Variants in WWTR1 observed in about 807,000 individuals in gnomAD.
WWTR1 encodes the protein WW domain-containing transcription regulator protein 1.
Under a neutral mutation model 40.1 loss-of-function variants are expected in WWTR1, and 13 were observed. That is an observed-to-expected ratio of 0.32 (90% CI 0.21 to 0.52). The LOEUF (loss-of-function observed/expected upper bound fraction) is 0.52. Among genes scored for constraint, WWTR1 ranks in the 20% least tolerant of loss-of-function variants. The pLI is 0.97. For missense variants in WWTR1, 436 were observed against 523.1 expected (o/e 0.83, Z 1.63); for synonymous variants, 230 against 210.1 (o/e 1.09, Z -0.82).
rs16862060 is a variant in WWTR1 at position 149,624,598 on chromosome 3, G to A, written c.431+32278C>T. Among the ~76,000 whole-genome samples, 1,148 of 152,334 alleles carry A rather than the reference G, an allele frequency of 7.5e-3. 13 individuals are homozygous for A. Among genetic ancestry groups the A allele is most frequent in the African/African-American group, 0.026 (1,098 of 41,566 alleles). On this transcript the variant is annotated intron_variant, in intron 2 of 6. Transcript: ENST00000360632. ...GGGAGCCACACTTGGGACTATATAAGATCAAGTTTGCTGCATCCTTCTAAA... is the reference window on the plus strand; with the variant it reads ...GGGAGCCACACTTGGGACTATATAAAATCAAGTTTGCTGCATCCTTCTAAA...
At chr3:149,722,272 T>C (rs1335098091) in intron 4 of WWTR1, among the ~76,000 whole-genome samples, 1 of 152,110 alleles carries the variant, frequency 6.6e-6, no homozygotes, top group African/African-American at 2.4e-5. Flanking sequence ...ATTATTTTAT[T>C]CCTCCTACTA....
intron 4 of WWTR1, among the ~76,000 whole-genome samples, chr3:149,529,023 GGA>G (rs909999425): frequency 6.6e-6 from 1 of 152,192 alleles, no homozygotes; most frequent in Admixed American, 6.5e-5. Context: ...ATAATCTCCA[GGA>G]GTCTCTCCAT....
At position 149,668,717 on chromosome 3, in the gene WWTR1, G is replaced by A. The variant is rs1050123698; in HGVS notation, c.-4+1071C>T. The stretch of plus-strand genomic sequence containing the variant: ...GAAAAAAATAAGTAGTTACCAATGG[G>A]GAACGGGGGATCCCTTTTAATAAAT... On this transcript the variant is annotated intron_variant, in intron 2 of 7. Transcript: ENST00000465804. 2.0e-5 allele frequency among the ~76,000 whole-genome samples: 3 copies of A among 152,116 alleles called. No homozygotes were observed. The South Asian group carries it at 6.2e-4, about 32-fold the overall frequency.
At chr3:149,542,561 A>G in intron 3 of WWTR1, 24 bp from the exon 4 acceptor site, 1 of 1,588,736 alleles carries the variant, frequency 6.3e-7, no homozygotes, top group Non-Finnish European at 8.6e-7. Context: ...GAACATACAG[A>G]TTAATGACCA....
At position 149,636,966 on chromosome 3, in the gene WWTR1, G is replaced by GAAAA. The variant is rs397950107; in HGVS notation, c.431+19906_431+19909dup. Among the ~76,000 whole-genome samples the GAAAA allele has an allele frequency of 2.3e-3, 99 of 43,270 alleles. 1 individual carries two copies. The highest frequency in any genetic ancestry group is 2.7e-3 in the Non-Finnish European group (70 of 25,480). The allele number at this position is 43,270 out of a possible 152,430, so 28.4% of individuals were successfully genotyped here. A position where few individuals can be genotyped will look rare whatever the true frequency, so the allele number is the denominator to read the frequency against. ...GCGACAGAGCAAGACTGTCTCAAGT[G>GAAAA]AAAAAAAAAAAAAAAAAAAAAAAAG... On this transcript the variant is annotated intron_variant, in intron 2 of 6. Transcript: ENST00000360632.
At chr3:149,709,906 AAAAAG>A (rs888122394) in intron 5 of WWTR1, among the ~76,000 whole-genome samples, 15 of 152,158 alleles carry the variant, frequency 9.9e-5, no homozygotes, top group Non-Finnish European at 2.1e-4. Flanking sequence ...CTCTATCTCA[AAAAAG>A]AAAAGAAAAG....
At chr3:149,571,644 A>C (rs1737636891) in intron 3 of WWTR1, among the ~76,000 whole-genome samples, 1 of 152,218 alleles carries the variant, frequency 6.6e-6, no homozygotes, top group Non-Finnish European at 1.5e-5. Flanking sequence ...GGTCTACTTG[A>C]GTTCATACTC....
chr3:149,645,372 C>A (rs1391167911), intron 2 of WWTR1, among the ~76,000 whole-genome samples: 3 of 152,120 alleles, frequency 2.0e-5, no homozygotes, highest in Non-Finnish European at 2.9e-5. Context: ...AGCCACCACG[C>A]CTGGCCCCAG....
chr3:149,590,495 C>G (rs560849208), intron 2 of WWTR1, among the ~76,000 whole-genome samples: 1 of 152,176 alleles, frequency 6.6e-6, no homozygotes, highest in South Asian at 2.1e-4. Context: ...ACTAAAAATA[C>G]AAAAATTCAC....
chr3:149,607,166 A>G (rs1270569348), intron 2 of WWTR1, among the ~76,000 whole-genome samples: 1 of 152,216 alleles, frequency 6.6e-6, no homozygotes, highest in Non-Finnish European at 1.5e-5. Flanking sequence ...TTACTTTTTG[A>G]AATATTCATC....
At chr3:149,533,490 G>T (rs1576541802) in intron 4 of WWTR1, among the ~76,000 whole-genome samples, 2 of 152,220 alleles carry the variant, frequency 1.3e-5, no homozygotes, top group African/African-American at 4.8e-5. Context: ...TAGATTTGAG[G>T]CAGATACGAT....
intron 5 of WWTR1, among the ~76,000 whole-genome samples, chr3:149,709,067 C>G (rs1442307954): frequency 1.3e-5 from 2 of 152,080 alleles, no homozygotes; most frequent in African/African-American, 4.8e-5. Flanking sequence ...CCTCTGCCTC[C>G]CGGGCTCAAG....
At chr3:149,614,562 A>C (rs893385985) in intron 2 of WWTR1, among the ~76,000 whole-genome samples, 1 of 152,228 alleles carries the variant, frequency 6.6e-6, no homozygotes, top group East Asian at 1.9e-4. Context: ...CTGATGAATA[A>C]GAATTTCTTT....
At chr3:149,558,904 C>T (rs546339765) in intron 3 of WWTR1, among the ~76,000 whole-genome samples, 114 of 152,168 alleles carry the variant, frequency 7.5e-4, no homozygotes, top group Non-Finnish European at 1.3e-3. Context: ...AGGACATCAC[C>T]GGGACAACTG....
rs776567506 is a variant in WWTR1 at position 149,709,367 on chromosome 3, G to C, written n.585-6039C>G. Among the ~76,000 whole-genome samples, 67 of 151,636 alleles carry C rather than the reference G, an allele frequency of 4.4e-4. 1 individual carries two copies. Among genetic ancestry groups the C allele is most frequent in the Non-Finnish European group, 1.0e-4 (7 of 67,962 alleles). ...TGTATTAATATCTCCCTGTTGATTA[G>C]TAATTTTGGGTATCTTTTTATATAC... On this transcript the variant is annotated intron_variant and non_coding_transcript_variant, in intron 5 of 6. Coordinates refer to the WWTR1 transcript ENST00000474080.
At chr3:149,570,344 G>A (rs889473706) in intron 3 of WWTR1, among the ~76,000 whole-genome samples, 24 of 152,112 alleles carry the variant, frequency 1.6e-4, no homozygotes, top group African/African-American at 2.9e-4. Flanking sequence ...TGAGGCAAGC[G>A]GATCGCCAGG....
At chr3:149,628,733 ATTTT>A (rs778504782) in intron 2 of WWTR1, among the ~76,000 whole-genome samples, 30 of 140,728 alleles carry the variant, frequency 2.1e-4, no homozygotes, top group African/African-American at 7.8e-4. Context: ...GATTCTTTTT[ATTTT>A]TTTTATTTTA....
chr3:149,532,790 C>A (rs1337379695), intron 4 of WWTR1, among the ~76,000 whole-genome samples: 1 of 152,166 alleles, frequency 6.6e-6, no homozygotes, highest in Non-Finnish European at 1.5e-5. Context: ...ACTACCCTTG[C>A]GTGGGTAAAA....
chr3:149,622,486 GAAGGAAGGAAGGAAGGAAGAAAGA>G (rs1740331219), intron 2 of WWTR1, among the ~76,000 whole-genome samples: 2 of 94,298 alleles, frequency 2.1e-5, no homozygotes, highest in Non-Finnish European at 4.6e-5. Flanking sequence ...AGGAAGGAAG[GAAGGAAGGAAGGAAGGAAGAAAGA>G]AAGAAAGAAA....
Sources: gnomAD v4.1 joint callset for allele counts (sites outside exome capture counted in the v4.1 genomes callset) on GRCh38, gnomAD v4.1.1 for gene constraint, MANE v1.5 for transcripts, NCBI Gene and HGNC (gene_info 2026-07-23, HGNC 2026-07-21) for gene names.